Variants in CCKAR observed in about 807,000 individuals in gnomAD.
The protein encoded by CCKAR is cholecystokinin receptor type A.
Under a neutral mutation model 29.8 loss-of-function variants are expected in CCKAR, and 21 were observed. The observed-to-expected ratio is 0.70, with a 90% CI of 0.50 to 1.01. The LOEUF is 1.01. CCKAR is among the 50% of genes least tolerant of loss of function. The probability of loss-of-function intolerance (pLI) is 0.00; values close to 1 mark genes in which losing one functional copy is unlikely to be tolerated. For missense variants in CCKAR, 570 were observed against 560.6 expected, an observed-to-expected ratio of 1.02 and a Z score of -0.17; for synonymous variants, 238 against 221.3, an observed-to-expected ratio of 1.08 and a Z score of -0.67.
rs1374850529 is a variant in CCKAR at position 26,489,383 on chromosome 4, T to C, written c.214A>G (p.Met72Val). The C allele has an allele frequency of 6.2e-7, 1 of 1,614,190 alleles. No individual in the cohort carries two copies. The highest frequency in any genetic ancestry group is 8.5e-7 in the Non-Finnish European group (1 of 1,180,038). Reference protein sequence around the residue: ...VITVLIRNKRMRTVTNIFLLS... With the variant: ...VITVLIRNKRVRTVTNIFLLS... ...AGGAAGATGTTGGTGACCGTCCGCATCCGCTTGTTCCGAATCAGCACGGTG... is the reference window on the plus strand; with the variant it reads ...AGGAAGATGTTGGTGACCGTCCGCACCCGCTTGTTCCGAATCAGCACGGTG... Residue 72 changes from methionine (M) to valine (V), a missense_variant, in exon 2 of 5, where the codon ATG becomes GTG. By Grantham distance (21) the Met-to-Val change is conservative. Transcript: ENST00000295589.
chr4:26,483,987 CA>C (rs1211194340), intron 3 of CCKAR, among the ~76,000 whole-genome samples: 1 of 152,240 alleles, frequency 6.6e-6, no homozygotes, highest in African/African-American at 2.4e-5. Context: ...AACCCATAAG[CA>C]GCTCAAACAT....
At chr4:26,484,878 T>C (rs956903104) in intron 3 of CCKAR, among the ~76,000 whole-genome samples, 2 of 150,904 alleles carry the variant, frequency 1.3e-5, no homozygotes, top group African/African-American at 4.9e-5. Flanking sequence ...CCAATCTCTA[T>C]TTTAAAGTAA....
Position 26,490,254 on chromosome 4 carries a change from TCAAC to T in CCKAR, c.10_13del (p.Val4ThrfsTer5), listed in dbSNP as rs1737531921. The T allele has an allele frequency of 6.2e-7, 1 of 1,610,778 alleles. No homozygotes were observed. The highest frequency in any genetic ancestry group is 8.5e-7 in the Non-Finnish European group (1 of 1,177,286). On this transcript the variant is annotated frameshift_variant, in exon 1 of 5. Transcript: ENST00000295589. LOFTEE classifies it high-confidence loss of function. ...GTTGCTTCCATTCACAAGAAGGCTG[TCAAC>T]CACATCCATCCTTGCCTGCTGCTTT...
In CCKAR at chr4:26,490,167, C is replaced by G; in HGVS notation, c.101G>C (p.Arg34Pro). ...CTTCCGACACTTACCTTTGGAAGGACGGGGCTGATCCAAGCAGAAAAGCGT... is the reference window on the plus strand; with the variant it reads ...CTTCCGACACTTACCTTTGGAAGGAGGGGGCTGATCCAAGCAGAAAAGCGT... ...NETLFCLDQP[R>P]PSKEWQPAVQ... The change falls in exon 1 of 5, where the codon CGT (arginine) becomes CCT (proline). Residue 34 changes from arginine (R) to proline (P), a missense_variant. Coordinates refer to ENST00000295589, the MANE Select transcript of CCKAR (RefSeq NM_000730.3). 6.2e-7 allele frequency: 1 copy of G among 1,609,936 alleles called. No homozygotes were observed. The highest frequency in any genetic ancestry group is 8.5e-7 in the Non-Finnish European group (1 of 1,176,686).
Position 26,483,311 on chromosome 4 carries a change from C to T in CCKAR, c.627-28G>A, listed in dbSNP as rs531262435. ...AATGAAATCAAAAGAAATCCAATAA[C>T]CAGCAACTTTAGACCTTCAAACTCA... On this transcript the variant is annotated intron_variant, in intron 3 of 4. Coordinates refer to ENST00000295589, the MANE Select transcript of CCKAR (RefSeq NM_000730.3). 10 of 1,609,556 alleles carry T rather than the reference C, an allele frequency of 6.2e-6. No individual in the cohort carries two copies. In the East Asian group the frequency reaches 1.8e-4, roughly 29 times the overall value.
chr4:26,490,191 G>A lies in CCKAR; in HGVS notation c.77C>T (p.Thr26Met), dbSNP rs1488720673. Reference sequence around the variant, plus strand: ...ACGGGGCTGATCCAAGCAGAAAAGCGTCTCATTTTCGAGCCCGAGTTCACA... The same window carrying A: ...ACGGGGCTGATCCAAGCAGAAAAGCATCTCATTTTCGAGCCCGAGTTCACA... ...PPCELGLENE[T>M]LFCLDQPRPS... The change falls in exon 1 of 5, where the codon ACG becomes ATG. Residue 26 changes from threonine (T) to methionine (M), a missense_variant. Transcript: ENST00000295589. 3.1e-6 allele frequency: 5 copies of A among 1,613,414 alleles called. No homozygotes were observed. The highest frequency in any genetic ancestry group is 2.2e-5 in the East Asian group (1 of 44,826).
chr4:26,489,728 A>G (rs1737521328), intron 1 of CCKAR, among the ~76,000 whole-genome samples: 1 of 152,218 alleles, frequency 6.6e-6, no homozygotes, highest in Non-Finnish European at 1.5e-5. Flanking sequence ...TCTTAAGAAC[A>G]AAGCTCCTCA....
At position 26,481,941 on chromosome 4, in the gene CCKAR, G is replaced by T. The variant is rs1295224668; in HGVS notation, c.984C>A (p.Pro328=). ...IVVLFFLCWM[P]IFSANAWRAY... is the part of the protein sequence containing the mutation. ...CCCGCCAGGCGTTGGCGCTGAAGATGGGCATCCAGCACAGGAAGAAGAGGA... is the reference window on the plus strand; with the variant it reads ...CCCGCCAGGCGTTGGCGCTGAAGATTGGCATCCAGCACAGGAAGAAGAGGA... The change falls in exon 5 of 5, where the codon CCC becomes CCA. Residue 328 remains proline (P), a synonymous_variant. Coordinates refer to ENST00000295589, the MANE Select transcript of CCKAR (RefSeq NM_000730.3). 3 of 1,614,272 alleles carry T rather than the reference G, an allele frequency of 1.9e-6. No individual in the cohort carries two copies. Among genetic ancestry groups the T allele is most frequent in the East Asian group, 2.2e-5 (1 of 44,890 alleles).
chr4:26,487,245 T>C (rs927461335), intron 2 of CCKAR, among the ~76,000 whole-genome samples: 2 of 152,184 alleles, frequency 1.3e-5, no homozygotes, highest in Non-Finnish European at 2.9e-5. Context: ...AAACTAATTC[T>C]CTGAAACTAT....
intron 1 of CCKAR, 123 bp from the exon 2 acceptor site, chr4:26,489,607 C>T: frequency 2.0e-6 from 2 of 1,018,614 alleles, no homozygotes; most frequent in South Asian, 3.2e-5. Context: ...ACTGGACCCA[C>T]GATTCCTGTC....
Position 26,482,060 on chromosome 4 carries a change from T to A in CCKAR, c.865A>T (p.Ser289Cys). The stretch of plus-strand genomic sequence containing the variant: ...CGGATGCGGTTGGCCCTGCTGCTGC[T>A]GCCGGTGGACAGCTGCCGGAGCTCC... ...KLELRQLSTG[S>C]SSRANRIRSN... The change falls in exon 5 of 5, where the codon AGC (serine) becomes TGC (cysteine). Residue 289 changes from serine to cysteine, a missense_variant. Ser to Cys is a moderately radical substitution (Grantham distance 112). Transcript: ENST00000295589. 6.2e-7 allele frequency: 1 copy of A among 1,614,244 alleles called. No individual in the cohort carries two copies. Among genetic ancestry groups the A allele is most frequent in the Non-Finnish European group, 8.5e-7 (1 of 1,180,042 alleles).
intron 2 of CCKAR, among the ~76,000 whole-genome samples, chr4:26,488,091 T>A (rs1737483289): frequency 6.6e-6 from 1 of 152,180 alleles, no homozygotes; most frequent in Non-Finnish European, 1.5e-5. Context: ...CTAGCCTAAC[T>A]CAGTTCTGCA....
In CCKAR at chr4:26,481,568, T is replaced by A. The variant is rs1737343930; in HGVS notation, c.*70A>T. 6.5e-7 allele frequency: 1 copy of A among 1,528,842 alleles called. No individual in the cohort carries two copies. The allele number at this position is 1,528,842 out of a possible 1,614,324, so 94.7% of individuals were successfully genotyped here. A position where few individuals can be genotyped will look rare whatever the true frequency, so the allele number is the denominator to read the frequency against. ...TCAGCTCTGCTCCTTCTCTTCCTGA[T>A]CTCTTCTTCCGTTCTTTCTTCTCTG... On this transcript the variant is annotated 3_prime_UTR_variant, in exon 5 of 5. Coordinates refer to ENST00000295589, the MANE Select transcript of CCKAR (RefSeq NM_000730.3).
intron 3 of CCKAR, 110 bp downstream of exon 3, chr4:26,485,527 G>T (rs367882401): frequency 2.6e-6 from 3 of 1,156,112 alleles, no homozygotes; most frequent in South Asian, 2.9e-5. Flanking sequence ...TTCTCAAAAC[G>T]TCTCCAGGAA....
intron 3 of CCKAR, among the ~76,000 whole-genome samples, chr4:26,483,803 C>T (rs909464799): frequency 4.6e-5 from 7 of 152,332 alleles, no homozygotes; most frequent in Admixed American, 3.3e-4. Context: ...CAAAGTCACA[C>T]AGCTGGTAGC....
chr4:26,481,484 T>C lies in CCKAR; in HGVS notation c.*154A>G. The C allele has an allele frequency of 1.2e-6, 1 of 800,372 alleles. No homozygotes were observed. The highest frequency in any genetic ancestry group is 2.0e-6 in the Non-Finnish European group (1 of 495,926). The allele number at this position is 800,372 out of a possible 1,614,324, so 49.6% of individuals were successfully genotyped here. Reference sequence around the variant, plus strand: ...CTGGAGCAGTGCTCTGGAATCCAGATGAAGGATGAAAAGCAGACCTTGAAG... The same window carrying C: ...CTGGAGCAGTGCTCTGGAATCCAGACGAAGGATGAAAAGCAGACCTTGAAG... On this transcript the variant is annotated 3_prime_UTR_variant, in exon 5 of 5. Transcript: ENST00000295589.
In CCKAR at chr4:26,489,338, C is replaced by A. The variant is rs746181827; in HGVS notation, c.259G>T (p.Asp87Tyr). ...NIFLLSLAVS[D>Y]LMLCLFCMPF... ...ATGCAGAAGAGACAGAGCATGAGGT[C>A]GCTGACAGCCAGGGAGAGGAGGAAG... Residue 87 changes from aspartate (D) to tyrosine (Y), a missense_variant, in exon 2 of 5, where the codon GAC (aspartate) becomes TAC (tyrosine). Physicochemically the swap from Asp to Tyr is radical, Grantham distance 160. Transcript: ENST00000295589. 1.9e-6 allele frequency: 3 copies of A among 1,614,112 alleles called. No individual in the cohort carries two copies. The highest frequency in any genetic ancestry group is 1.6e-4 in the Middle Eastern group (1 of 6,062).
Position 26,485,983 on chromosome 4 carries a change from A to G in CCKAR, c.365-85T>C, listed in dbSNP as rs538890472. The G allele has an allele frequency of 2.2e-4, 266 of 1,226,452 alleles. 2 individuals carry two copies. The African/African-American group carries it at 3.3e-3, about 15-fold the overall frequency. 76.0% of individuals were successfully genotyped at this position (1,226,452 alleles called of 1,614,324 possible). A position where few individuals can be genotyped will look rare whatever the true frequency, so the allele number is the denominator to read the frequency against. ...ATTAGCTTGAATATATCTGATCTGCACAGGTTTGATATCAAAGGAAAACGC... is the reference window on the plus strand; with the variant it reads ...ATTAGCTTGAATATATCTGATCTGCGCAGGTTTGATATCAAAGGAAAACGC... On this transcript the variant is annotated intron_variant, in intron 2 of 4. Transcript: ENST00000295589.
At chr4:26,488,838 A>G (rs1384182425) in intron 2 of CCKAR, among the ~76,000 whole-genome samples, 2 of 152,162 alleles carry the variant, frequency 1.3e-5, no homozygotes, top group African/African-American at 4.8e-5. Flanking sequence ...AGAAGCCAGG[A>G]CTCAAGTTGT....
Sources: allele counts gnomAD v4.1 joint callset (sites outside exome capture counted in the v4.1 genomes callset), GRCh38; gene constraint gnomAD v4.1.1; transcripts MANE v1.5; gene names NCBI Gene and HGNC (gene_info 2026-07-23, HGNC 2026-07-21).